EMC3: variants seen among roughly 807,000 people sequenced by gnomAD.
The protein encoded by EMC3 is 30 kDa protein.
Under a neutral mutation model 36.6 loss-of-function variants are expected in EMC3, and 13 were observed. The ratio of observed to expected loss-of-function variants is 0.35; its 90% CI spans 0.23 to 0.56. The LOEUF (loss-of-function observed/expected upper bound fraction) is 0.56, where lower values mean the gene tolerates loss of function less well. Among genes scored for constraint, EMC3 ranks in the 20% least tolerant of loss-of-function variants. EMC3 has a pLI of 0.84. For missense variants in EMC3, 220 were observed against 324.5 expected (o/e 0.68, Z 2.47); for synonymous variants, 120 against 111.9 (o/e 1.07, Z -0.46).
At chr3:9,982,723 CA>C (rs2085924824) in intron 1 of EMC3, among the ~76,000 whole-genome samples, 1 of 151,586 alleles carries the variant, frequency 6.6e-6, no homozygotes, top group South Asian at 2.1e-4. Flanking sequence ...CCCATCTTTG[CA>C]AAAAATTTAA....
At chr3:9,974,817 CAA>C (rs1470187565) in intron 3 of EMC3, among the ~76,000 whole-genome samples, 1 of 149,458 alleles carries the variant, frequency 6.7e-6, no homozygotes, top group African/African-American at 2.5e-5. Flanking sequence ...TTCGGCCTCC[CAA>C]AGTGCTGGGA....
chr3:9,984,272 G>C (rs563219466), intron 1 of EMC3, among the ~76,000 whole-genome samples: 1 of 151,586 alleles, frequency 6.6e-6, no homozygotes, highest in African/African-American at 2.4e-5. Context: ...AGTAGAGATG[G>C]GGTTTCACCA....
chr3:9,970,514 T>C, intron 6 of EMC3, 68 bp downstream of exon 6: 1 of 1,530,252 alleles, frequency 6.5e-7, no homozygotes, highest in South Asian at 1.1e-5. Flanking sequence ...CTACAAGACT[T>C]TTCTGGCTCT....
At chr3:9,986,975 G>T, upstream of EMC3, 1 of 1,117,166 alleles carries the variant, frequency 9.0e-7, no homozygotes, top group Non-Finnish European at 1.1e-6. Context: ...CAGCACTTTG[G>T]GAGGCCAAGG....
intron 1 of EMC3, among the ~76,000 whole-genome samples, chr3:9,996,596 C>T (rs190403217): frequency 1.4e-4 from 21 of 152,138 alleles, no homozygotes; most frequent in Non-Finnish European, 2.1e-4. Flanking sequence ...TATCTTCCCC[C>T]CTGCCCTTTC....
rs895590447 is a variant in EMC3, at chr3:9,980,545, G to T, written c.156-3099C>A. 4.8e-3 allele frequency among the ~76,000 whole-genome samples: 655 copies of T among 135,352 alleles called. 2 individuals carry two copies. The highest frequency in any genetic ancestry group is 0.019 in the Middle Eastern group (5 of 260). 88.8% of individuals were successfully genotyped at this position (135,352 alleles called of 152,430 possible). A position where few individuals can be genotyped will look rare whatever the true frequency, so the allele number is the denominator to read the frequency against. ...GACACCTGGCAAACTTTTGTGTTTT[G>T]TTTTTTTTGTTTTTTTTTTTTTTGT... On this transcript the variant is annotated intron_variant, in intron 1 of 7. Coordinates refer to ENST00000245046, the MANE Select transcript of EMC3 (RefSeq NM_001394674.1).
At chr3:9,986,218 G>C (rs555087908) in intron 1 of EMC3, among the ~76,000 whole-genome samples, 48 of 152,276 alleles carry the variant, frequency 3.2e-4, no homozygotes, top group African/African-American at 1.1e-3. Flanking sequence ...GAGGGTCGGC[G>C]ACTAACCTAA....
chr3:10,007,059 C>G (rs1246099982), intron 1 of EMC3: 2 of 286,942 alleles, frequency 7.0e-6, no homozygotes, highest in East Asian at 1.9e-4. Flanking sequence ...TGCTTTGCAC[C>G]CTCTTTGCAC....
intron 3 of EMC3, among the ~76,000 whole-genome samples, chr3:9,976,539 G>C (rs892649295): frequency 1.3e-5 from 2 of 152,178 alleles, no homozygotes; most frequent in Non-Finnish European, 2.9e-5. Flanking sequence ...GGCACATCTT[G>C]GAAGTACTGC....
chr3:9,967,053 C>T (rs2085742214), intron 7 of EMC3, among the ~76,000 whole-genome samples: 2 of 152,184 alleles, frequency 1.3e-5, no homozygotes, highest in South Asian at 4.1e-4. Context: ...CAATTACTCC[C>T]CACTGCCCCC....
At chr3:9,983,372 C>G (rs190694328) in intron 1 of EMC3, among the ~76,000 whole-genome samples, 1 of 152,004 alleles carries the variant, frequency 6.6e-6, no homozygotes, top group African/African-American at 2.4e-5. Flanking sequence ...GGTCTTGAAC[C>G]CCTGACTTTA....
chr3:9,963,851 C>T lies in EMC3; in HGVS notation c.*218G>A, dbSNP rs888687745. 1.7e-6 allele frequency: 1 copy of T among 577,230 alleles called. No individual in the cohort carries two copies. Among genetic ancestry groups the T allele is most frequent in the African/African-American group, 1.9e-5 (1 of 53,088 alleles). The allele number at this position is 577,230 out of a possible 1,614,324, so 35.8% of individuals were successfully genotyped here. On this transcript the variant is annotated 3_prime_UTR_variant, in exon 8 of 8. Coordinates refer to ENST00000245046, the MANE Select transcript of EMC3 (RefSeq NM_001394674.1). ...TCATTACTAGAGTCACCAGAAGGAACATTTACAACATTTTAAAAATAACAA... is the reference window on the plus strand; with the variant it reads ...TCATTACTAGAGTCACCAGAAGGAATATTTACAACATTTTAAAAATAACAA...
upstream of EMC3, among the ~76,000 whole-genome samples, chr3:9,990,989 T>C (rs543244562): frequency 4.3e-4 from 65 of 152,176 alleles, no homozygotes; most frequent in Non-Finnish European, 8.1e-4. Context: ...CCACCTCGCC[T>C]GGCTAATTTT....
chr3:9,995,886 G>A (rs2086117686), intron 1 of EMC3, among the ~76,000 whole-genome samples: 1 of 151,246 alleles, frequency 6.6e-6, no homozygotes, highest in Admixed American at 6.6e-5. Flanking sequence ...TGATAGATTT[G>A]CTGTGTAAAA....
chr3:9,988,377 C>A, upstream of EMC3: 2 of 1,211,788 alleles, frequency 1.7e-6, no homozygotes, highest in South Asian at 2.4e-5. Context: ...TGTAATTCCT[C>A]AGGAAATCAA....
At chr3:9,980,554 G>GTTTTT in intron 1 of EMC3, among the ~76,000 whole-genome samples, 1 of 130,922 alleles carries the variant, frequency 7.6e-6, no homozygotes, top group African/African-American at 2.8e-5. Flanking sequence ...TGTTTTTTTT[G>GTTTTT]TTTTTTTTTT....
intron 1 of EMC3, chr3:10,006,611 T>G: frequency 5.2e-6 from 1 of 192,874 alleles, no homozygotes; most frequent in South Asian, 7.6e-5. Flanking sequence ...AGCAAGTAGA[T>G]CGATGGTGAC....
chr3:9,998,972 G>A (rs758256136), intron 1 of EMC3, among the ~76,000 whole-genome samples: 6 of 152,104 alleles, frequency 3.9e-5, no homozygotes, highest in African/African-American at 7.2e-5. Context: ...TACCCAGACT[G>A]GTCTCGAACT....
chr3:9,975,208 A>C (rs1211837001), intron 3 of EMC3, among the ~76,000 whole-genome samples: 1 of 152,168 alleles, frequency 6.6e-6, no homozygotes, highest in Non-Finnish European at 1.5e-5. Flanking sequence ...GTGTGGTCAC[A>C]CCAATCACTT....
Sources: gnomAD v4.1 joint callset for allele counts (sites outside exome capture counted in the v4.1 genomes callset) on GRCh38, gnomAD v4.1.1 for gene constraint, MANE v1.5 for transcripts, NCBI Gene and HGNC (gene_info 2026-07-23, HGNC 2026-07-21) for gene names.